MGMT: variants seen among roughly 807,000 people sequenced by gnomAD.
MGMT encodes methylated-DNA--protein-cysteine methyltransferase.
MGMT carries 14 observed loss-of-function variants against 15.9 expected under a neutral mutation model. That is an observed-to-expected ratio of 0.88 (90% CI 0.58 to 1.37). The LOEUF (loss-of-function observed/expected upper bound fraction) is 1.37. Ranked by LOEUF, MGMT falls within the 40% of genes most tolerant of loss-of-function variation. The pLI is 0.00. For missense variants in MGMT, 282 were observed against 268.1 expected, an observed-to-expected ratio of 1.05 and a Z score of -0.36; for synonymous variants, 130 against 118.2, an observed-to-expected ratio of 1.10 and a Z score of -0.65.
rs1275431092 is a variant in MGMT at position 129,708,849 on chromosome 10, T to C, written c.274+806T>C. On this transcript the variant is annotated intron_variant, in intron 3 of 4. Transcript: ENST00000651593. ...TTTAGATGTGGTGAATTTAAAGCAATTTTGAATTTCAGATCAGATTTGCTG... is the reference window on the plus strand; with the variant it reads ...TTTAGATGTGGTGAATTTAAAGCAACTTTGAATTTCAGATCAGATTTGCTG... Among the ~76,000 whole-genome samples, 11 of 152,214 alleles carry C rather than the reference T, an allele frequency of 7.2e-5. 1 individual carries two copies. Among genetic ancestry groups the C allele is most frequent in the Non-Finnish European group, 5.9e-5 (4 of 68,036 alleles).
intron 4 of MGMT, among the ~76,000 whole-genome samples, chr10:129,766,356 G>A (rs1207491055): frequency 2.6e-5 from 4 of 152,210 alleles, no homozygotes; most frequent in African/African-American, 9.6e-5. Flanking sequence ...GTGCAGGTAC[G>A]GTCTTCTCTG....
intron 1 of MGMT, among the ~76,000 whole-genome samples, chr10:129,524,834 C>A (rs2119734177): frequency 6.6e-6 from 1 of 152,190 alleles, no homozygotes. Flanking sequence ...TCGTGATCCA[C>A]ACGCCTCGGC....
At chr10:129,488,324 A>G (rs971627250) in intron 1 of MGMT, among the ~76,000 whole-genome samples, 25 of 152,324 alleles carry the variant, frequency 1.6e-4, no homozygotes, top group Admixed American at 5.2e-4. Flanking sequence ...CTTCCGATTG[A>G]GAGCAACCTT....
intron 3 of MGMT, among the ~76,000 whole-genome samples, chr10:129,744,021 A>G (rs1316917522): frequency 4.6e-5 from 7 of 152,220 alleles, no homozygotes. Context: ...TGCTTCCATG[A>G]TGAATAAAAC....
chr10:129,495,975 A>G (rs1845517011), intron 1 of MGMT, among the ~76,000 whole-genome samples: 1 of 152,178 alleles, frequency 6.6e-6, no homozygotes. Flanking sequence ...TGCATTAGAC[A>G]TTCCTGGAGG....
chr10:129,499,879 T>G (rs921439119), intron 1 of MGMT, among the ~76,000 whole-genome samples: 5 of 152,236 alleles, frequency 3.3e-5, no homozygotes, highest in African/African-American at 1.2e-4. Flanking sequence ...CGGAAATACA[T>G]CCTTATGTCA....
Position 129,692,632 on chromosome 10 carries a change from G to A in MGMT, c.126-15263G>A, listed in dbSNP as rs186640988. On this transcript the variant is annotated intron_variant, in intron 2 of 4. Transcript: ENST00000651593. ...ATCGTTGAGGGATGGGGACGCAAGG[G>A]CAGCGAGGAGGTCCTGTGGGTCCGG... Among the ~76,000 whole-genome samples the A allele has an allele frequency of 2.5e-3, 374 of 152,348 alleles. 2 individuals carry two copies. Among genetic ancestry groups the A allele is most frequent in the African/African-American group, 8.0e-3 (331 of 41,584 alleles).
chr10:129,696,487 C>T (rs1848033917), intron 2 of MGMT, among the ~76,000 whole-genome samples: 1 of 152,188 alleles, frequency 6.6e-6, no homozygotes, highest in African/African-American at 2.4e-5. Context: ...TGCAGTCTAC[C>T]ACAAAATCTG....
At chr10:129,654,259 T>C (rs1054724872) in intron 2 of MGMT, among the ~76,000 whole-genome samples, 8 of 152,002 alleles carry the variant, frequency 5.3e-5, no homozygotes, top group African/African-American at 1.9e-4. Flanking sequence ...TGAAGATCCA[T>C]GCTGGGGAAG....
chr10:129,555,285 C>T (rs954337217), intron 2 of MGMT, among the ~76,000 whole-genome samples: 7 of 152,320 alleles, frequency 4.6e-5, no homozygotes, highest in South Asian at 2.1e-4. Flanking sequence ...ACTTTGAGCC[C>T]GCTCTGCCCG....
chr10:129,583,153 T>C (rs1188449552), intron 2 of MGMT, among the ~76,000 whole-genome samples: 1 of 152,160 alleles, frequency 6.6e-6, no homozygotes, highest in African/African-American at 2.4e-5. Flanking sequence ...TAATAAATGG[T>C]GTATCGGAAG....
chr10:129,764,049 C>A (rs1025517056), intron 4 of MGMT, among the ~76,000 whole-genome samples: 3 of 152,214 alleles, frequency 2.0e-5, no homozygotes, highest in Admixed American at 6.5e-5. Flanking sequence ...GCAGCCATGT[C>A]ATCTGCTGGC....
intron 2 of MGMT, among the ~76,000 whole-genome samples, chr10:129,646,754 A>ATATATATATATATTTTTTTTTTTTTT: frequency 2.4e-4 from 21 of 86,640 alleles, no homozygotes; most frequent in Admixed American, 6.0e-4. Flanking sequence ...ATATATATAT[A>ATATATATATATATTTTTTTTTTTTTT]TTTTCAGGGA....
intron 2 of MGMT, among the ~76,000 whole-genome samples, chr10:129,582,705 C>T (rs955400063): frequency 1.3e-5 from 2 of 152,012 alleles, no homozygotes; most frequent in Non-Finnish European, 2.9e-5. Context: ...AAATCCCCGG[C>T]AGTTTCCCCC....
chr10:129,512,915 A>G (rs1564838845), intron 1 of MGMT, among the ~76,000 whole-genome samples: 1 of 152,152 alleles, frequency 6.6e-6, no homozygotes, highest in African/African-American at 2.4e-5. Flanking sequence ...ACCCCCCAAA[A>G]TTGAAAGCAG....
chr10:129,724,339 A>T (rs908678308), intron 3 of MGMT, among the ~76,000 whole-genome samples: 1 of 152,194 alleles, frequency 6.6e-6, no homozygotes, highest in African/African-American at 2.4e-5. Context: ...GTTGCCAAAA[A>T]CAATCTGGAT....
At chr10:129,630,793 G>T (rs1423257470) in intron 2 of MGMT, among the ~76,000 whole-genome samples, 1 of 152,246 alleles carries the variant, frequency 6.6e-6, no homozygotes, top group Non-Finnish European at 1.5e-5. Flanking sequence ...CCATGAGAAG[G>T]TAAAGCCACT....
At chr10:129,602,562 A>G (rs1196091403) in intron 2 of MGMT, among the ~76,000 whole-genome samples, 1 of 152,214 alleles carries the variant, frequency 6.6e-6, no homozygotes, top group Non-Finnish European at 1.5e-5. Flanking sequence ...CACACAAAGC[A>G]AAACAGATGG....
chr10:129,734,553 T>C (rs892247814), intron 3 of MGMT, among the ~76,000 whole-genome samples: 13 of 152,106 alleles, frequency 8.5e-5, no homozygotes, highest in African/African-American at 3.1e-4. Flanking sequence ...ACCCTTTATT[T>C]CCTTCTCCTG....
Sources: gnomAD v4.1 joint callset for allele counts (sites outside exome capture counted in the v4.1 genomes callset) on GRCh38, gnomAD v4.1.1 for gene constraint, MANE v1.5 for transcripts, NCBI Gene and HGNC (gene_info 2026-07-23, HGNC 2026-07-21) for gene names.